Variants in SSH3 observed in about 807,000 individuals in gnomAD.
SSH3 encodes slingshot protein phosphatase 3.
SSH3 carries 67 observed loss-of-function variants against 75.0 expected under a neutral mutation model. The ratio of observed to expected loss-of-function variants is 0.89; its 90% CI spans 0.73 to 1.10. The LOEUF is 1.10. Among genes scored for constraint, SSH3 ranks in the 50% least tolerant of loss-of-function variants. SSH3 has a pLI of 0.00. For synonymous variants in SSH3, 318 were observed against 349.2 expected, an observed-to-expected ratio of 0.91 and a Z score of 1.00; for missense variants, 824 against 872.7, an observed-to-expected ratio of 0.94 and a Z score of 0.70.
chr11:67,312,089 A>C lies in SSH3; in HGVS notation c.*202A>C, dbSNP rs1307909806. 1 of 702,210 alleles carries C rather than the reference A, an allele frequency of 1.4e-6. No homozygotes were observed. Among genetic ancestry groups the C allele is most frequent in the African/African-American group, 1.8e-5 (1 of 55,396 alleles). The allele number at this position is 702,210 out of a possible 1,614,324, so 43.5% of individuals were successfully genotyped here. On this transcript the variant is annotated 3_prime_UTR_variant, in exon 14 of 14. Transcript: ENST00000308127. ...CTCACCTCCTACAGCCTTAAGTCCC[A>C]GGCCCATGTCTGCCTGTCCAAGGGC...
chr11:67,309,023 A>G (rs1367900177), intron 10 of SSH3, among the ~76,000 whole-genome samples: 5 of 152,204 alleles, frequency 3.3e-5, no homozygotes, highest in Non-Finnish European at 7.3e-5. Context: ...CTGCTCTGAC[A>G]GGTACCTGTC....
At position 67,312,061 on chromosome 11, in the gene SSH3, A is replaced by G. The variant is rs535590126; in HGVS notation, c.*174A>G. On this transcript the variant is annotated 3_prime_UTR_variant, in exon 14 of 14. Coordinates refer to ENST00000308127, the MANE Select transcript of SSH3 (RefSeq NM_017857.4). ...CCTCACCTCCCACCCCTGTCACTAC[A>G]GCCTCACCTCCTACAGCCTTAAGTC... The G allele has an allele frequency of 1.2e-5, 10 of 827,194 alleles. No homozygotes were observed. The highest frequency in any genetic ancestry group is 5.3e-5 in the African/African-American group (3 of 57,140). The allele number at this position is 827,194 out of a possible 1,614,324, so 51.2% of individuals were successfully genotyped here.
In SSH3 at chr11:67,310,300, G is replaced by C; in HGVS notation, c.1644G>C (p.Leu548Phe). 6.2e-7 allele frequency: 1 copy of C among 1,613,844 alleles called. No individual in the cohort carries two copies. Among genetic ancestry groups the C allele is most frequent in the Non-Finnish European group, 8.5e-7 (1 of 1,179,798 alleles). The change falls in exon 13 of 14, where the codon TTG becomes TTC. Residue 548 changes from leucine (L) to phenylalanine (F), a missense_variant. Coordinates refer to ENST00000308127, the MANE Select transcript of SSH3 (RefSeq NM_017857.4). Reference protein sequence around the residue: ...MRSISLLEPSLELESTSETSD... With the variant: ...MRSISLLEPSFELESTSETSD... ...CCATCAGTCTTCTGGAGCCCTCCTT[G>C]GAGCTGGAGAGCACCTCAGAGACCA...
chr11:67,303,864 T>C (rs899438069), intron 1 of SSH3, 173 bp downstream of exon 1: 2 of 776,624 alleles, frequency 2.6e-6, no homozygotes, highest in Admixed American at 3.7e-5. Context: ...CGGGGCACAA[T>C]CCAGAGCCCT....
Position 67,307,589 on chromosome 11 carries a change from C to G in SSH3, c.643C>G (p.Leu215Val). The change falls in exon 7 of 14, where the codon CTA becomes GTA. Residue 215 changes from leucine (L) to valine (V), a missense_variant. Coordinates refer to ENST00000308127, the MANE Select transcript of SSH3 (RefSeq NM_017857.4). This position sits in a 1 kb window ranked among gnomAD's most constrained non-coding sequence, Gnocchi z 4.2. ...QVLHQACEAA[L>V]GSGLVPGGSA... ...ATTGCACCAAGCATGTGAGGCAGCT[C>G]TAGGCAGCGGCCTTGTACCGGGTGG... The G allele has an allele frequency of 3.1e-6, 5 of 1,613,370 alleles. No individual in the cohort carries two copies. The highest frequency in any genetic ancestry group is 4.2e-6 in the Non-Finnish European group (5 of 1,179,842).
In SSH3 at chr11:67,309,556, G is replaced by A. The variant is rs111722161; in HGVS notation, c.1208+13G>A. 57 of 1,612,108 alleles carry A rather than the reference G, an allele frequency of 3.5e-5. No homozygotes were observed. In the Middle Eastern group the frequency reaches 6.7e-4, roughly 19 times the overall value. On this transcript the variant is annotated intron_variant, in intron 11 of 13. Coordinates refer to ENST00000308127, the MANE Select transcript of SSH3 (RefSeq NM_017857.4). ...TTGAGGCTGCAAGGTCGGTCTCCTG[G>A]CTTTGCTGCCTGCCCCACTGTGGCT...
chr11:67,308,285 T>C lies in SSH3; in HGVS notation c.997T>C (p.Phe333Leu). 1 of 1,614,138 alleles carries C rather than the reference T, an allele frequency of 6.2e-7. No homozygotes were observed. The highest frequency in any genetic ancestry group is 1.1e-5 in the South Asian group (1 of 91,084). Residue 333 changes from phenylalanine (F) to leucine (L), a missense_variant, in exon 9 of 14, where the codon TTC becomes CTC. Physicochemically the swap from Phe to Leu is conservative, Grantham distance 22 (BLOSUM62 0). Coordinates refer to ENST00000308127, the MANE Select transcript of SSH3 (RefSeq NM_017857.4). The surrounding 1 kb of genome is among the most constrained non-coding windows in gnomAD (Gnocchi z 4.9). Reference sequence around the variant, plus strand: ...ACAGCGGGACCGAGCCTCCCGCATCTTCCCCCACCTCTACCTGGTGAGCTT... The same window carrying C: ...ACAGCGGGACCGAGCCTCCCGCATCCTCCCCCACCTCTACCTGGTGAGCTT... ...VAQRDRASRI[F>L]PHLYLGSEWN...
At chr11:67,303,834 AG>A (rs1356022134) in intron 1 of SSH3, 143 bp downstream of exon 1, 1 of 890,946 alleles carries the variant, frequency 1.1e-6, no homozygotes, top group Non-Finnish European at 1.6e-6. Flanking sequence ...GGGGGCCTCG[AG>A]GGTCTCTGGT....
At position 67,304,132 on chromosome 11, in the gene SSH3, G is replaced by T. The variant is rs1861155114; in HGVS notation, c.81G>T (p.Gln27His). The T allele has an allele frequency of 1.3e-6, 2 of 1,598,910 alleles. No individual in the cohort carries two copies. Residue 27 changes from glutamine to histidine, a missense_variant, in exon 2 of 14, where the codon CAG (glutamine) becomes CAT (histidine). By Grantham distance (24) the Gln-to-His change is conservative (BLOSUM62 0). Transcript: ENST00000308127. ...TPVGPWDQAV[Q>H]RRSRLQRRQS... ...TCTCTCCGCAGGACCAGGCGGTCCA[G>T]CGAAGGAGTCGACTCCAGCGAAGGT...
At position 67,311,648 on chromosome 11, in the gene SSH3, G is replaced by A. The variant is rs760630916; in HGVS notation, c.1741G>A (p.Ala581Thr). The change falls in exon 14 of 14, where the codon GCA (alanine) becomes ACA (threonine). Residue 581 changes from alanine to threonine, a missense_variant. Coordinates refer to ENST00000308127, the MANE Select transcript of SSH3 (RefSeq NM_017857.4). ...EEPLQPFPQL[A>T]RTKGGQQVDR... ...GCCTCTGCAGCCCTTCCCACAGCTT[G>A]CAAGGACCAAGGGAGGCCAGCAGGT... 2 of 1,614,124 alleles carry A rather than the reference G, an allele frequency of 1.2e-6. No homozygotes were observed. Among genetic ancestry groups the A allele is most frequent in the Non-Finnish European group, 1.7e-6 (2 of 1,180,014 alleles).
In SSH3 at chr11:67,309,741, G is replaced by T. The variant is rs917425305; in HGVS notation, c.1209-27G>T. The T allele has an allele frequency of 1.9e-6, 3 of 1,609,886 alleles. No individual in the cohort carries two copies. In the African/African-American group the frequency reaches 4.0e-5, roughly 21 times the overall value. On this transcript the variant is annotated intron_variant, in intron 11 of 13. Coordinates refer to ENST00000308127, the MANE Select transcript of SSH3 (RefSeq NM_017857.4). Reference sequence around the variant, plus strand: ...GCGGGATCCTTCATGGTGAGGGGAGGGTGCTGAACCTGGCCTGCTTCCACA... The same window carrying T: ...GCGGGATCCTTCATGGTGAGGGGAGTGTGCTGAACCTGGCCTGCTTCCACA...
intron 1 of SSH3, 120 bp from the exon 2 acceptor site, chr11:67,303,998 G>T (rs1396525756): frequency 5.3e-6 from 7 of 1,323,214 alleles, no homozygotes; most frequent in Non-Finnish European, 7.3e-6. Flanking sequence ...GTGGACTGGG[G>T]TGGGAAGACG....
In SSH3 at chr11:67,309,595, G is replaced by A. The variant is rs765280975; in HGVS notation, c.1208+52G>A. 37 of 1,597,382 alleles carry A rather than the reference G, an allele frequency of 2.3e-5. No homozygotes were observed. The African/African-American group carries it at 2.8e-4, about 12-fold the overall frequency. On this transcript the variant is annotated intron_variant, in intron 11 of 13. Coordinates refer to ENST00000308127, the MANE Select transcript of SSH3 (RefSeq NM_017857.4). ...CCCACTGTGGCTTCAAGCGGCCTCC[G>A]GTGCCCTCCTCCTGCCCACTCTGCC...
chr11:67,303,653 C>G lies in SSH3; in HGVS notation c.28C>G (p.Pro10Ala). The G allele has an allele frequency of 1.3e-6, 2 of 1,513,102 alleles. No homozygotes were observed. Among genetic ancestry groups the G allele is most frequent in the Non-Finnish European group, 1.8e-6 (2 of 1,137,270 alleles). 93.7% of individuals were successfully genotyped at this position (1,513,102 alleles called of 1,614,324 possible). A position where few individuals can be genotyped will look rare whatever the true frequency, so the allele number is the denominator to read the frequency against. MALVTVSRS[P>A]PGSGASTPVG... is the part of the protein sequence containing the mutation. ...GGCCCTGGTCACAGTGAGCCGTTCGCCCCCGGGCAGCGGCGCCTCCACGCC... is the reference window on the plus strand; with the variant it reads ...GGCCCTGGTCACAGTGAGCCGTTCGGCCCCGGGCAGCGGCGCCTCCACGCC... Residue 10 changes from proline (P) to alanine (A), a missense_variant, in exon 1 of 14, where the codon CCC (proline) becomes GCC (alanine). Transcript: ENST00000308127.
rs1319320060 is a variant in SSH3, at chr11:67,311,733, G to GCCAAAAGCCGGT, written c.1826_1827insCCAAAAGCCGGT (p.Ser609_Ala610insGlnLysProVal). The GCCAAAAGCCGGT allele has an allele frequency of 6.2e-7, 1 of 1,614,030 alleles. No homozygotes were observed. Among genetic ancestry groups the GCCAAAAGCCGGT allele is most frequent in the African/African-American group, 1.3e-5 (1 of 75,052 alleles). On this transcript the variant is annotated inframe_insertion, in exon 14 of 14. Transcript: ENST00000308127. ...CAGTCAGTGGTTACCCTCCAGGGCA[G>GCCAAAAGCCGGT]TGCCGTGGTGGCCAACCGGACCCAG... is the stretch of plus-strand genomic sequence containing the variant.
Position 67,303,553 on chromosome 11 carries a change from G to T in SSH3, c.-73G>T. On this transcript the variant is annotated 5_prime_UTR_variant, in exon 1 of 14. Coordinates refer to ENST00000308127, the MANE Select transcript of SSH3 (RefSeq NM_017857.4). ...CCGTCCGTCCTTCCTGGTCCTGCGG[G>T]TCCAGGACTGTCCGCGGGGTTGAGG... 6.9e-7 allele frequency: 1 copy of T among 1,450,684 alleles called. No individual in the cohort carries two copies. Among genetic ancestry groups the T allele is most frequent in the South Asian group, 1.2e-5 (1 of 80,672 alleles). The allele number at this position is 1,450,684 out of a possible 1,614,324, so 89.9% of individuals were successfully genotyped here. A position where few individuals can be genotyped will look rare whatever the true frequency, so the allele number is the denominator to read the frequency against.
At chr11:67,304,495 G>C (rs1230598608) in intron 2 of SSH3, among the ~76,000 whole-genome samples, 1 of 152,220 alleles carries the variant, frequency 6.6e-6, no homozygotes, top group East Asian at 1.9e-4. Context: ...TAAACAGGTG[G>C]GAGGGGAAAA....
intron 13 of SSH3, 46 bp from the exon 14 acceptor site, chr11:67,311,545 C>A: frequency 1.2e-6 from 2 of 1,608,158 alleles, no homozygotes; most frequent in Non-Finnish European, 1.7e-6. Context: ...GGCACCCCTG[C>A]CCCAGAAAGG....
Position 67,310,346 on chromosome 11 carries a change from C to T in SSH3, c.1683+7C>T, listed in dbSNP as rs369444666. 1.0e-5 allele frequency: 16 copies of T among 1,597,614 alleles called. No individual in the cohort carries two copies. Among genetic ancestry groups the T allele is most frequent in the Non-Finnish European group, 1.4e-5 (16 of 1,170,180 alleles). On this transcript the variant is annotated splice_region_variant and intron_variant, in intron 13 of 13. Coordinates refer to ENST00000308127, the MANE Select transcript of SSH3 (RefSeq NM_017857.4). ...GACCAGTGACATGCCAGAGGTGAGG[C>T]TGGGGCTGGGGGAGCTCAGCTTGCA...
Sources: allele counts gnomAD v4.1 joint callset (sites outside exome capture counted in the v4.1 genomes callset), GRCh38; gene constraint gnomAD v4.1.1; non-coding constraint Gnocchi (gnomAD v3.1); transcripts MANE v1.5; gene names NCBI Gene and HGNC (gene_info 2026-07-23, HGNC 2026-07-21).